NXPH1: variants seen among roughly 807,000 people sequenced by gnomAD.
NXPH1 encodes the protein neurexophilin 1, also known as neurexophilin-1.
In NXPH1, 5 loss-of-function variants were observed where a neutral mutation model predicts 23.7. The ratio of observed to expected loss-of-function variants is 0.21; its 90% CI spans 0.11 to 0.44. The LOEUF is 0.44. Among genes scored for constraint, NXPH1 ranks in the 20% least tolerant of loss-of-function variants. The probability of loss-of-function intolerance (pLI) is 0.99; values close to 1 mark genes in which losing one functional copy is unlikely to be tolerated. For synonymous variants in NXPH1, 144 were observed against 122.2 expected (o/e 1.18, Z -1.18); for missense variants, 324 against 321.6 (o/e 1.01, Z -0.06).
intron 2 of NXPH1, among the ~76,000 whole-genome samples, chr7:8,708,647 C>T (rs1401609687): frequency 6.6e-6 from 1 of 152,106 alleles, no homozygotes. Flanking sequence ...CAGGTGTGAG[C>T]CACCATGCCT....
chr7:8,470,596 C>G (rs1237010138), intron 2 of NXPH1, among the ~76,000 whole-genome samples: 1 of 152,106 alleles, frequency 6.6e-6, no homozygotes, highest in Non-Finnish European at 1.5e-5. Flanking sequence ...CCTGGCTAAG[C>G]CAGTGGTGAA....
intron 2 of NXPH1, among the ~76,000 whole-genome samples, chr7:8,708,008 A>G (rs1385217753): frequency 2.0e-5 from 3 of 152,176 alleles, no homozygotes; most frequent in African/African-American, 4.8e-5. Context: ...ATCTTTAAAT[A>G]ATTTAATATG....
At chr7:8,530,537 T>C (rs1390925044) in intron 2 of NXPH1, among the ~76,000 whole-genome samples, 2 of 152,326 alleles carry the variant, frequency 1.3e-5, no homozygotes, top group East Asian at 3.9e-4. Context: ...AGACAGCCAT[T>C]CTGGTGAGCA....
intron 2 of NXPH1, among the ~76,000 whole-genome samples, chr7:8,704,837 TCGTAGG>T (rs982142058): frequency 2.3e-4 from 35 of 152,218 alleles, no homozygotes; most frequent in African/African-American, 8.2e-4. Context: ...CTCACTGAGT[TCGTAGG>T]TTAAGTCAGC....
chr7:8,688,739 A>G (rs1446001903), intron 2 of NXPH1, among the ~76,000 whole-genome samples: 1 of 152,172 alleles, frequency 6.6e-6, no homozygotes, highest in African/African-American at 2.4e-5. Flanking sequence ...TTATCTCATC[A>G]TCTCCTAGTC....
intron 2 of NXPH1, among the ~76,000 whole-genome samples, chr7:8,636,085 T>C (rs1052788814): frequency 3.9e-5 from 6 of 152,200 alleles, no homozygotes; most frequent in African/African-American, 1.4e-4. Context: ...AGACTTTCTT[T>C]TTCCTTTAAA....
intron 2 of NXPH1, among the ~76,000 whole-genome samples, chr7:8,479,038 A>G (rs1192203724): frequency 6.6e-6 from 1 of 152,128 alleles, no homozygotes; most frequent in Non-Finnish European, 1.5e-5. Flanking sequence ...TATTGTCATA[A>G]GAACTGGTGA....
At chr7:8,469,821 C>G (rs1816845322) in intron 2 of NXPH1, among the ~76,000 whole-genome samples, 1 of 152,062 alleles carries the variant, frequency 6.6e-6, no homozygotes. Flanking sequence ...TGTCTCTAAT[C>G]CATGCAACAA....
chr7:8,627,019 C>T (rs895865522), intron 2 of NXPH1, among the ~76,000 whole-genome samples: 3 of 152,080 alleles, frequency 2.0e-5, no homozygotes, highest in African/African-American at 7.2e-5. Context: ...TATGCCCCCA[C>T]CTTGTTTATA....
intron 2 of NXPH1, among the ~76,000 whole-genome samples, chr7:8,495,184 G>C (rs2128611747): frequency 6.6e-6 from 1 of 151,928 alleles, no homozygotes; most frequent in South Asian, 2.1e-4. Flanking sequence ...AGGGCAGGTT[G>C]GTAGCCTGCC....
chr7:8,504,235 A>T (rs1445805208), intron 2 of NXPH1, among the ~76,000 whole-genome samples: 1 of 152,054 alleles, frequency 6.6e-6, no homozygotes, highest in Non-Finnish European at 1.5e-5. Flanking sequence ...TTCTTAGGAT[A>T]GCAGTACTAT....
At chr7:8,584,146 T>C (rs1432277332) in intron 2 of NXPH1, among the ~76,000 whole-genome samples, 2 of 152,214 alleles carry the variant, frequency 1.3e-5, no homozygotes, top group African/African-American at 4.8e-5. Context: ...CCTAATTTTA[T>C]ATACGATCAA....
chr7:8,735,753 A>T (rs972757006), intron 2 of NXPH1, among the ~76,000 whole-genome samples: 1 of 152,166 alleles, frequency 6.6e-6, no homozygotes, highest in Non-Finnish European at 1.5e-5. Flanking sequence ...GCTACTGTGA[A>T]TTCATCTGGT....
In NXPH1 at chr7:8,728,352, C is replaced by G. The variant is rs555547152; in HGVS notation, c.55-22656C>G. On this transcript the variant is annotated intron_variant, in intron 2 of 2. Coordinates refer to ENST00000405863, the MANE Select transcript of NXPH1 (RefSeq NM_152745.3). ...TATTTCCTTCTCCTGCCTAATTGCC[C>G]TGGCCAGAACTTCCAACACTATGTT... is the stretch of plus-strand genomic sequence containing the variant. 4.6e-5 allele frequency among the ~76,000 whole-genome samples: 7 copies of G among 152,062 alleles called. No homozygotes were observed. The South Asian group carries it at 1.0e-3, about 23-fold the overall frequency.
intron 2 of NXPH1, among the ~76,000 whole-genome samples, chr7:8,699,613 T>G (rs867323897): frequency 1.3e-5 from 2 of 152,162 alleles, no homozygotes; most frequent in Non-Finnish European, 2.9e-5. Context: ...TTAAGAAAGA[T>G]AGTTGCTAGG....
At chr7:8,570,071 T>C (rs1271182196) in intron 2 of NXPH1, among the ~76,000 whole-genome samples, 1 of 151,904 alleles carries the variant, frequency 6.6e-6, no homozygotes, top group African/African-American at 2.4e-5. Flanking sequence ...TTAACAAAGA[T>C]CAATTGAGTG....
At chr7:8,460,776 C>T (rs1368067023) in intron 2 of NXPH1, among the ~76,000 whole-genome samples, 2 of 152,146 alleles carry the variant, frequency 1.3e-5, no homozygotes, top group Non-Finnish European at 2.9e-5. Context: ...TCTCAGCACT[C>T]CCAATTATTG....
chr7:8,457,585 C>A lies in NXPH1; in HGVS notation c.54+21818C>A, dbSNP rs571994453. ...TTATTAAAAAAAAACTTGAAAGGAG[C>A]CTCAGAAGGCAGGTAAGACAACTTC... On this transcript the variant is annotated intron_variant, in intron 2 of 2. Coordinates refer to ENST00000405863, the MANE Select transcript of NXPH1 (RefSeq NM_152745.3). Among the ~76,000 whole-genome samples the A allele has an allele frequency of 3.4e-4, 51 of 150,390 alleles. 1 individual carries two copies. Among genetic ancestry groups the A allele is most frequent in the African/African-American group, 1.1e-3 (44 of 40,530 alleles).
At chr7:8,486,954 T>G (rs920879904) in intron 2 of NXPH1, among the ~76,000 whole-genome samples, 2 of 152,158 alleles carry the variant, frequency 1.3e-5, no homozygotes, top group African/African-American at 2.4e-5. Flanking sequence ...TAATAATTTA[T>G]CTTTCTTTGA....
Sources: gnomAD v4.1 joint callset for allele counts (sites outside exome capture counted in the v4.1 genomes callset) on GRCh38, gnomAD v4.1.1 for gene constraint, MANE v1.5 for transcripts, NCBI Gene and HGNC (gene_info 2026-07-23, HGNC 2026-07-21) for gene names.